SPAG17: variants seen among roughly 807,000 people sequenced by gnomAD.
SPAG17 encodes the protein sperm-associated antigen 17.
In SPAG17, 169 loss-of-function variants were observed where a neutral mutation model predicts 273.6. The observed-to-expected ratio is 0.62, with a 90% CI of 0.55 to 0.70. The LOEUF (loss-of-function observed/expected upper bound fraction) is 0.70. Among genes scored for constraint, SPAG17 ranks in the 30% least tolerant of loss-of-function variants. The pLI, the probability that SPAG17 is intolerant of heterozygous loss-of-function variation, is 0.00. For synonymous variants in SPAG17, 825 were observed against 873.2 expected (o/e 0.94, Z 0.97); for missense variants, 2,557 against 2,627.8 (o/e 0.97, Z 0.59).
At chr1:118,098,216 A>G (rs993950799) in intron 6 of SPAG17, among the ~76,000 whole-genome samples, 1 of 152,148 alleles carries the variant, frequency 6.6e-6, no homozygotes, top group Admixed American at 6.5e-5. Context: ...AAATCAACTT[A>G]GTGTCTGCTA....
At chr1:118,180,613 A>C (rs1660896856) in intron 1 of SPAG17, among the ~76,000 whole-genome samples, 1 of 152,108 alleles carries the variant, frequency 6.6e-6, no homozygotes, top group Admixed American at 6.5e-5. Context: ...AGTATAAAGA[A>C]AAGACAAATA....
At chr1:118,043,461 A>T (rs537736731) in intron 20 of SPAG17, among the ~76,000 whole-genome samples, 1 of 152,328 alleles carries the variant, frequency 6.6e-6, no homozygotes, top group African/African-American at 2.4e-5. Flanking sequence ...ATTAAAAACA[A>T]AGGCAATAAA....
At chr1:118,092,888 T>C (rs949923740) in intron 8 of SPAG17, among the ~76,000 whole-genome samples, 2 of 152,208 alleles carry the variant, frequency 1.3e-5, no homozygotes, top group African/African-American at 4.8e-5. Context: ...AAATAAATAC[T>C]GCAATTACTT....
intron 44 of SPAG17, 139 bp from the exon 45 acceptor site, chr1:117,972,186 A>G (rs1654635753): frequency 1.3e-6 from 1 of 753,542 alleles, no homozygotes; most frequent in African/African-American, 1.8e-5. Flanking sequence ...TGTCATCCTT[A>G]CAACAGTCCT....
chr1:118,087,846 G>T (rs1404291752), intron 10 of SPAG17, among the ~76,000 whole-genome samples: 1 of 152,090 alleles, frequency 6.6e-6, no homozygotes, highest in Non-Finnish European at 1.5e-5. Context: ...ATAATTACTT[G>T]TTGTGGGGGG....
At chr1:117,998,185 T>C (rs898955394) in intron 32 of SPAG17, among the ~76,000 whole-genome samples, 1 of 152,190 alleles carries the variant, frequency 6.6e-6, no homozygotes, top group African/African-American at 2.4e-5. Context: ...TTTTGTAGTT[T>C]AGGTTTTACA....
intron 1 of SPAG17, among the ~76,000 whole-genome samples, chr1:118,177,907 A>G (rs1250294794): frequency 6.6e-6 from 1 of 152,224 alleles, no homozygotes; most frequent in Admixed American, 6.5e-5. Context: ...ATGAATAATA[A>G]GATTGAAGCT....
rs1216113490 is a variant in SPAG17, at chr1:118,025,260, T to TATTTG, written c.3882_3886dup (p.Tyr1296SerfsTer18). 2.5e-6 allele frequency: 4 copies of TATTTG among 1,613,444 alleles called. No individual in the cohort carries two copies. Among genetic ancestry groups the TATTTG allele is most frequent in the Non-Finnish European group, 3.4e-6 (4 of 1,179,682 alleles). On this transcript the variant is annotated frameshift_variant, in exon 27 of 49. Transcript: ENST00000336338. LOFTEE classifies it high-confidence loss of function. The stretch of plus-strand genomic sequence containing the variant: ...TACCTGTGTGGATCCATCCAACATA[T>TATTTG]ATTTGACAACAGTGCCTTGACTGGT...
chr1:118,132,799 A>C (rs1658125901), intron 3 of SPAG17, among the ~76,000 whole-genome samples: 1 of 152,132 alleles, frequency 6.6e-6, no homozygotes, highest in South Asian at 2.1e-4. Context: ...TTTAGATGGA[A>C]TCTTGCTCTG....
rs1451807772 is a variant in SPAG17 at position 118,121,257 on chromosome 1, T to C, written c.316-5816A>G. On this transcript the variant is annotated intron_variant, in intron 3 of 48. Transcript: ENST00000336338. ...CCAAACAAAGGGGAGGCAGCAATTC[T>C]GTATTGCGGGAGAGGAGTAAAGGCA... Among the ~76,000 whole-genome samples, 4 of 152,144 alleles carry C rather than the reference T, an allele frequency of 2.6e-5. 1 individual carries two copies. The highest frequency in any genetic ancestry group is 9.7e-5 in the African/African-American group (4 of 41,432).
intron 1 of SPAG17, among the ~76,000 whole-genome samples, chr1:118,175,149 G>C (rs1279124950): frequency 1.3e-5 from 2 of 152,084 alleles, no homozygotes; most frequent in Non-Finnish European, 2.9e-5. Flanking sequence ...TCCTGCCTCA[G>C]CATCCCAAAT....
intron 17 of SPAG17, among the ~76,000 whole-genome samples, chr1:118,072,449 C>T (rs1438602611): frequency 6.6e-6 from 1 of 152,064 alleles, no homozygotes; most frequent in Admixed American, 6.6e-5. Context: ...AGGACCACAG[C>T]TGTGCAGCAA....
chr1:118,115,567 C>CT, intron 3 of SPAG17, 126 bp from the exon 4 acceptor site: 1 of 970,780 alleles, frequency 1.0e-6, no homozygotes, highest in Non-Finnish European at 1.4e-6. Flanking sequence ...TCATTGCTGG[C>CT]TGAAAAAAAA....
intron 20 of SPAG17, 107 bp downstream of exon 20, chr1:118,053,895 C>T (rs768776659): frequency 1.4e-6 from 1 of 717,224 alleles, no homozygotes; most frequent in Non-Finnish European, 2.3e-6. Flanking sequence ...CATCTTCATG[C>T]TTCTTCCCAA....
At chr1:118,062,672 T>C (rs1652464077) in intron 18 of SPAG17, among the ~76,000 whole-genome samples, 1 of 152,136 alleles carries the variant, frequency 6.6e-6, no homozygotes, top group African/African-American at 2.4e-5. Flanking sequence ...CACCATAATA[T>C]TGTGGTTTTT....
chr1:118,040,655 G>A (rs770595789), intron 22 of SPAG17, 75 bp downstream of exon 22: 1 of 976,032 alleles, frequency 1.0e-6, no homozygotes, highest in Non-Finnish European at 1.6e-6. Flanking sequence ...ATCAAACTCA[G>A]GAGTAGAGGG....
chr1:118,031,675 T>C lies in SPAG17; in HGVS notation c.3609+17A>G, dbSNP rs201176677. The C allele has an allele frequency of 3.5e-5, 57 of 1,610,478 alleles. No individual in the cohort carries two copies. In the Middle Eastern group the frequency reaches 5.0e-4, roughly 14 times the overall value. On this transcript the variant is annotated intron_variant, in intron 25 of 48. Coordinates refer to ENST00000336338, the MANE Select transcript of SPAG17 (RefSeq NM_206996.4). The stretch of plus-strand genomic sequence containing the variant: ...AGCAGAAACAGAGTTTGGGAATCTA[T>C]GGCAAGGTTCATTTACCTTTTTCTC...
intron 1 of SPAG17, among the ~76,000 whole-genome samples, chr1:118,160,811 A>G (rs1353115767): frequency 6.6e-6 from 1 of 152,202 alleles, no homozygotes; most frequent in East Asian, 1.9e-4. Context: ...GTCTACAAAT[A>G]TGGTCTTCAA....
chr1:118,151,801 T>C (rs916370564), intron 1 of SPAG17, among the ~76,000 whole-genome samples: 2 of 152,150 alleles, frequency 1.3e-5, no homozygotes, highest in Non-Finnish European at 2.9e-5. Flanking sequence ...TGAAAAAAAC[T>C]GTTAAATGTT....
Sources: allele counts gnomAD v4.1 joint callset (sites outside exome capture counted in the v4.1 genomes callset), GRCh38; gene constraint gnomAD v4.1.1; transcripts MANE v1.5; gene names NCBI Gene and HGNC (gene_info 2026-07-23, HGNC 2026-07-21).